The following PHTF2 variants were observed in gnomAD, a reference collection of about 807,000 sequenced individuals.
PHTF2 encodes putative homeodomain transcription factor 2, also known as protein PHTF2.
Under a neutral mutation model 101.2 loss-of-function variants are expected in PHTF2, and 60 were observed. The observed-to-expected ratio is 0.59, with a 90% CI of 0.48 to 0.73. The LOEUF (loss-of-function observed/expected upper bound fraction) is 0.73. Ranked by LOEUF, PHTF2 falls within the 30% of genes least tolerant of loss-of-function variation. The probability of loss-of-function intolerance (pLI) is 0.00; values close to 1 mark genes in which losing one functional copy is unlikely to be tolerated. For synonymous variants in PHTF2, 311 were observed against 307.3 expected (o/e 1.01, Z -0.13); for missense variants, 747 against 908.7 (o/e 0.82, Z 2.29).
intron 17 of PHTF2, among the ~76,000 whole-genome samples, chr7:77,950,793 A>G (rs975217550): frequency 1.3e-5 from 2 of 152,152 alleles, no homozygotes; most frequent in African/African-American, 2.4e-5. Flanking sequence ...TTGTTACCCT[A>G]TGATTTTGGT....
chr7:77,808,986 T>A (rs1343381971), intron 1 of PHTF2, among the ~76,000 whole-genome samples: 1 of 152,156 alleles, frequency 6.6e-6, no homozygotes, highest in Non-Finnish European at 1.5e-5. Context: ...TATATTGAGT[T>A]TTGAAGTAAT....
intron 7 of PHTF2, among the ~76,000 whole-genome samples, chr7:77,903,944 A>G (rs745955358): frequency 6.6e-6 from 1 of 152,130 alleles, no homozygotes; most frequent in Non-Finnish European, 1.5e-5. Flanking sequence ...TTTTATTTCA[A>G]TTACATGCTT....
intron 1 of PHTF2, among the ~76,000 whole-genome samples, chr7:77,821,280 C>T (rs1201533303): frequency 6.6e-6 from 1 of 152,060 alleles, no homozygotes; most frequent in Non-Finnish European, 1.5e-5. Flanking sequence ...TTGTGTTTGT[C>T]TTTTGACAAT....
At chr7:77,877,942 T>TG (rs566954307) in intron 3 of PHTF2, among the ~76,000 whole-genome samples, 1 of 152,144 alleles carries the variant, frequency 6.6e-6, no homozygotes, top group East Asian at 1.9e-4. Context: ...GAATCACTGT[T>TG]GGGGGAAGGG....
chr7:77,890,020 G>A (rs1222361491), intron 3 of PHTF2, among the ~76,000 whole-genome samples: 1 of 109,700 alleles, frequency 9.1e-6, no homozygotes, highest in Non-Finnish European at 1.9e-5. Flanking sequence ...AAATTAAGAC[G>A]CGCCCCCCCC....
intron 12 of PHTF2, among the ~76,000 whole-genome samples, chr7:77,933,975 C>T (rs1804856145): frequency 6.6e-6 from 1 of 152,012 alleles, no homozygotes; most frequent in Admixed American, 6.6e-5. Context: ...GTATCCTAGG[C>T]TTATATTGGT....
At chr7:77,837,934 G>A (rs958395592) in intron 1 of PHTF2, among the ~76,000 whole-genome samples, 8 of 152,184 alleles carry the variant, frequency 5.3e-5, no homozygotes, top group East Asian at 1.9e-4. Flanking sequence ...TTGGGGGTTA[G>A]GAAAGAGGAT....
rs114534454 is a variant in PHTF2, at chr7:77,885,440, A to T, written c.148-8168A>T. ...TTCTGTAATCTCTTGCCTTGAGGGT[A>T]TTATTGTTATACTTTTTTTTTTGAC... On this transcript the variant is annotated intron_variant, in intron 3 of 19. Transcript: ENST00000416283. 7.5e-3 allele frequency among the ~76,000 whole-genome samples: 1,144 copies of T among 151,702 alleles called. 18 individuals carry two copies. Among genetic ancestry groups the T allele is most frequent in the African/African-American group, 0.026 (1,069 of 41,394 alleles).
intron 1 of PHTF2, among the ~76,000 whole-genome samples, chr7:77,813,757 T>A (rs1362027099): frequency 1.3e-5 from 2 of 152,214 alleles, no homozygotes; most frequent in African/African-American, 4.8e-5. Context: ...TTGAATAGAC[T>A]ACAGATTGAA....
At chr7:77,907,527 G>A (rs1801978906) in intron 7 of PHTF2, among the ~76,000 whole-genome samples, 1 of 152,008 alleles carries the variant, frequency 6.6e-6, no homozygotes, top group African/African-American at 2.4e-5. Flanking sequence ...ACAACAGCTG[G>A]GGTGGCCATA....
At chr7:77,911,271 GGCTTTTTGCATACAA>G (rs1802370480) in intron 9 of PHTF2, among the ~76,000 whole-genome samples, 1 of 151,244 alleles carries the variant, frequency 6.6e-6, no homozygotes, top group African/African-American at 2.4e-5. Flanking sequence ...ATACAAAAAT[GGCTTTTTGCATACAA>G]CTATACAAAA....
intron 1 of PHTF2, among the ~76,000 whole-genome samples, chr7:77,809,398 T>G (rs1352557760): frequency 6.6e-6 from 1 of 151,992 alleles, no homozygotes; most frequent in African/African-American, 2.4e-5. Flanking sequence ...GGGTAATTTT[T>G]GTATTTTTAG....
At chr7:77,826,357 TTTTGGCTGCTAATAAC>T (rs1794697514) in intron 1 of PHTF2, among the ~76,000 whole-genome samples, 1 of 152,226 alleles carries the variant, frequency 6.6e-6, no homozygotes, top group Non-Finnish European at 1.5e-5. Flanking sequence ...GTTAGATTTC[TTTTGGCTGCTAATAAC>T]AGTGGCTTAA....
In PHTF2 at chr7:77,903,757, C is replaced by T. The variant is rs183827521; in HGVS notation, c.445+1837C>T. ...GTCATGATGTGACTCTGATGACCCTCGGCAGGCTGCCATTACCTTTGAAAA... is the reference window on the plus strand; with the variant it reads ...GTCATGATGTGACTCTGATGACCCTTGGCAGGCTGCCATTACCTTTGAAAA... On this transcript the variant is annotated intron_variant, in intron 7 of 19. Coordinates refer to ENST00000416283, the Ensembl canonical transcript of PHTF2. Among the ~76,000 whole-genome samples, 394 of 152,314 alleles carry T rather than the reference C, an allele frequency of 2.6e-3. 2 individuals are homozygous for T. Among genetic ancestry groups the T allele is most frequent in the Non-Finnish European group, 4.2e-3 (284 of 68,036 alleles).
intron 1 of PHTF2, among the ~76,000 whole-genome samples, chr7:77,837,944 T>A (rs1226461038): frequency 6.6e-6 from 1 of 152,184 alleles, no homozygotes; most frequent in East Asian, 1.9e-4. Flanking sequence ...GGAAAGAGGA[T>A]CTTTATTTTG....
intron 11 of PHTF2, chr7:77,923,269 T>G: frequency 1.1e-6 from 1 of 880,620 alleles, no homozygotes; most frequent in Non-Finnish European, 1.4e-6. Context: ...TCATATCTCT[T>G]GAGCTTCAAA....
rs192573405 is a variant in PHTF2 at position 77,812,825 on chromosome 7, G to A, written c.-36+13854G>A. Among the ~76,000 whole-genome samples the A allele has an allele frequency of 5.1e-3, 782 of 152,194 alleles. 5 individuals are homozygous for A. The highest frequency in any genetic ancestry group is 0.018 in the African/African-American group (738 of 41,518). Reference sequence around the variant, plus strand: ...AGGATGGTCTCGATCTCCTGACCTCGTGATTTGCCCACCTTGGCCTCCCAA... The same window carrying A: ...AGGATGGTCTCGATCTCCTGACCTCATGATTTGCCCACCTTGGCCTCCCAA... On this transcript the variant is annotated intron_variant, in intron 1 of 19. Transcript: ENST00000416283.
At chr7:77,922,641 A>G in exon 11 of PHTF2, 1 of 1,610,864 alleles carries the variant, frequency 6.2e-7, no homozygotes, top group African/African-American at 1.3e-5. Flanking sequence ...AAGGACAATA[A>G]CAAATGTCTC....
chr7:77,861,213 A>T (rs1412774912), intron 3 of PHTF2, among the ~76,000 whole-genome samples: 3 of 151,520 alleles, frequency 2.0e-5, no homozygotes, highest in South Asian at 2.1e-4. Flanking sequence ...AGGGTGTGTC[A>T]TTCTTTATCT....
Sources: gnomAD v4.1 joint callset for allele counts (sites outside exome capture counted in the v4.1 genomes callset) on GRCh38, gnomAD v4.1.1 for gene constraint, MANE v1.5 for transcripts, NCBI Gene and HGNC (gene_info 2026-07-23, HGNC 2026-07-21) for gene names.